TTC13: variants seen among roughly 807,000 people sequenced by gnomAD.
The protein encoded by TTC13 is tetratricopeptide repeat protein 13.
Under a neutral mutation model 120.0 loss-of-function variants are expected in TTC13, and 62 were observed. The ratio of observed to expected loss-of-function variants is 0.52; its 90% CI spans 0.42 to 0.64. TTC13 has a LOEUF of 0.64. TTC13 is among the 30% of genes least tolerant of loss of function. The pLI, the probability that TTC13 is intolerant of heterozygous loss-of-function variation, is 0.00. For synonymous variants in TTC13, 384 were observed against 393.5 expected (o/e 0.98, Z 0.28); for missense variants, 824 against 1,050.2 (o/e 0.78, Z 2.98).
At chr1:230,920,674 A>G (rs183810739) in intron 16 of TTC13, 80 bp from the exon 17 acceptor site, 1 of 889,244 alleles carries the variant, frequency 1.1e-6, no homozygotes, top group Admixed American at 2.9e-5. Context: ...TCTTTAATTT[A>G]AATAAATTGA....
chr1:230,972,202 G>A (rs1035072665), intron 1 of TTC13, among the ~76,000 whole-genome samples: 1 of 152,194 alleles, frequency 6.6e-6, no homozygotes, highest in Non-Finnish European at 1.5e-5. Flanking sequence ...CTCTAAATCA[G>A]ACAAAACATT....
In TTC13 at chr1:230,906,684, G is replaced by A. The variant is rs1272386192; in HGVS notation, c.*221C>T. On this transcript the variant is annotated 3_prime_UTR_variant, in exon 23 of 23. Coordinates refer to ENST00000366661, the MANE Select transcript of TTC13 (RefSeq NM_024525.5). ...CAACAGGCTGCCGGCTAATACATAC[G>A]CTTTCCCTCCAAGTCAAGTAGCTTT... 3.6e-6 allele frequency: 1 copy of A among 277,280 alleles called. No homozygotes were observed. 17.2% of individuals were successfully genotyped at this position (277,280 alleles called of 1,614,324 possible).
intron 18 of TTC13, among the ~76,000 whole-genome samples, chr1:230,914,435 A>T (rs1671818310): frequency 6.6e-6 from 1 of 151,844 alleles, no homozygotes; most frequent in Non-Finnish European, 1.5e-5. Flanking sequence ...TCACTCTGTC[A>T]CCAGGCTGGA....
intron 8 of TTC13, among the ~76,000 whole-genome samples, chr1:230,936,981 G>A: frequency 6.6e-6 from 1 of 152,174 alleles, no homozygotes; most frequent in Non-Finnish European, 1.5e-5. Flanking sequence ...CTCAGACAGT[G>A]GATCTATAAA....
Position 230,961,323 on chromosome 1 carries a change from T to C in TTC13, c.272-20A>G. ...ATGACTCTGAAAGGCAAGCATTCTT[T>C]GTTATTCTCTACACCTTAATTTATG... is the stretch of plus-strand genomic sequence containing the variant. On this transcript the variant is annotated intron_variant, in intron 1 of 22. Transcript: ENST00000366661. 1 of 1,564,364 alleles carries C rather than the reference T, an allele frequency of 6.4e-7. No individual in the cohort carries two copies. The highest frequency in any genetic ancestry group is 8.8e-7 in the Non-Finnish European group (1 of 1,137,750).
chr1:230,910,137 G>C (rs555232170), intron 20 of TTC13, among the ~76,000 whole-genome samples: 1 of 152,298 alleles, frequency 6.6e-6, no homozygotes, highest in South Asian at 2.1e-4. Flanking sequence ...AAGTGCCATG[G>C]GTGGACACCA....
Position 230,923,959 on chromosome 1 carries a change from C to T in TTC13, c.1722-26G>A, listed in dbSNP as rs374496230. 1.7e-5 allele frequency: 27 copies of T among 1,574,516 alleles called. No individual in the cohort carries two copies. In the African/African-American group the frequency reaches 3.4e-4, roughly 20 times the overall value. ...CTATAAAACAGAGACCTTTATAAAA[C>T]CAGAAGTGTTCAGAAGCATTCCAAA... On this transcript the variant is annotated intron_variant, in intron 14 of 22. Coordinates refer to ENST00000366661, the MANE Select transcript of TTC13 (RefSeq NM_024525.5).
intron 3 of TTC13, 66 bp downstream of exon 3, chr1:230,958,158 C>G: frequency 6.5e-7 from 1 of 1,537,996 alleles, no homozygotes; most frequent in Non-Finnish European, 8.9e-7. Context: ...TCCTGTCTTC[C>G]TGCTATGCAT....
At chr1:230,908,310 CCCA>C in intron 22 of TTC13, 1 of 426,548 alleles carries the variant, frequency 2.3e-6, no homozygotes, top group Non-Finnish European at 4.6e-6. Flanking sequence ...GCTTCAGCCT[CCCA>C]AGTACTTGGG....
chr1:230,919,677 A>G (rs958270699), intron 17 of TTC13, among the ~76,000 whole-genome samples: 3 of 152,180 alleles, frequency 2.0e-5, no homozygotes, highest in African/African-American at 7.2e-5. Flanking sequence ...AGGGCAGTCT[A>G]TTTAGAAATT....
chr1:230,909,222 G>A lies in TTC13; in HGVS notation c.2310-202C>T, dbSNP rs946819129. On this transcript the variant is annotated intron_variant, in intron 20 of 22. Transcript: ENST00000366661. ...AATTTACTATTAGAATATATTTACT[G>A]GCCAGGTGAGGTGGCTCACACCTGT... Among the ~76,000 whole-genome samples the A allele has an allele frequency of 1.1e-4, 16 of 152,300 alleles. No homozygotes were observed. In the East Asian group the frequency reaches 2.5e-3, roughly 24 times the overall value.
intron 4 of TTC13, among the ~76,000 whole-genome samples, chr1:230,953,632 C>G (rs914192587): frequency 6.6e-6 from 1 of 152,128 alleles, no homozygotes; most frequent in African/African-American, 2.4e-5. Context: ...ATCTCTAGCT[C>G]TAAAATCCAT....
chr1:230,909,496 G>A (rs1281989727), intron 20 of TTC13, among the ~76,000 whole-genome samples: 1 of 152,206 alleles, frequency 6.6e-6, no homozygotes, highest in African/African-American at 2.4e-5. Context: ...TCCAGGAGTG[G>A]TGGCATGTGC....
intron 8 of TTC13, among the ~76,000 whole-genome samples, chr1:230,934,888 A>G (rs549356236): frequency 2.0e-5 from 3 of 152,342 alleles, no homozygotes; most frequent in Admixed American, 1.3e-4. Context: ...ATATTTAATG[A>G]TTTGGTAAGG....
At chr1:230,937,263 C>G (rs772664374) in intron 8 of TTC13, among the ~76,000 whole-genome samples, 4 of 152,140 alleles carry the variant, frequency 2.6e-5, no homozygotes, top group Non-Finnish European at 5.9e-5. Context: ...GTTCCTAAAC[C>G]TGGCTTTACA....
At chr1:230,964,735 T>C (rs967038638) in intron 1 of TTC13, among the ~76,000 whole-genome samples, 17 of 152,162 alleles carry the variant, frequency 1.1e-4, no homozygotes, top group African/African-American at 3.9e-4. Flanking sequence ...ATTATTTAAA[T>C]CCAGCTATAG....
chr1:230,968,187 G>C lies in TTC13; in HGVS notation c.272-6884C>G, dbSNP rs115247771. 6.7e-5 allele frequency among the ~76,000 whole-genome samples: 5 copies of C among 74,176 alleles called. No homozygotes were observed. In the East Asian group the frequency reaches 1.0e-3, roughly 15 times the overall value. 48.7% of individuals were successfully genotyped at this position (74,176 alleles called of 152,430 possible). A position where few individuals can be genotyped will look rare whatever the true frequency, so the allele number is the denominator to read the frequency against. On this transcript the variant is annotated intron_variant, in intron 1 of 22. Coordinates refer to ENST00000366661, the MANE Select transcript of TTC13 (RefSeq NM_024525.5). ...AGAATTTGTTTTCCTATGGTGGTGG[G>C]GGGGGGGCCTTTTTGTTTTATTGTG...
At chr1:230,961,703 C>T (rs1676650228) in intron 1 of TTC13, among the ~76,000 whole-genome samples, 1 of 152,178 alleles carries the variant, frequency 6.6e-6, no homozygotes, top group South Asian at 2.1e-4. Context: ...CAGTGAGCTT[C>T]CTGGATGGTT....
intron 7 of TTC13, among the ~76,000 whole-genome samples, 195 bp from the exon 8 acceptor site, chr1:230,939,691 G>A (rs1466189475): frequency 6.6e-6 from 1 of 152,120 alleles, no homozygotes; most frequent in Non-Finnish European, 1.5e-5. Context: ...AGTTTTTTAA[G>A]AAAAGCGATT....
Sources: allele counts gnomAD v4.1 joint callset (sites outside exome capture counted in the v4.1 genomes callset), GRCh38; gene constraint gnomAD v4.1.1; transcripts MANE v1.5; gene names NCBI Gene and HGNC (gene_info 2026-07-23, HGNC 2026-07-21).